Variants in POLR2C observed in about 807,000 individuals in gnomAD.
POLR2C encodes the protein DNA-directed RNA polymerase II subunit RPB3.
In POLR2C, 36 loss-of-function variants were observed where a neutral mutation model predicts 41.7. The ratio of observed to expected loss-of-function variants is 0.86; its 90% CI spans 0.66 to 1.14. The LOEUF (loss-of-function observed/expected upper bound fraction) is 1.14, where lower values mean the gene tolerates loss of function less well. Ranked by LOEUF, POLR2C falls within the 50% of genes most tolerant of loss-of-function variation. POLR2C has a pLI of 0.00. For missense variants in POLR2C, 260 were observed against 350.4 expected (o/e 0.74, Z 2.06); for synonymous variants, 133 against 137.8 (o/e 0.96, Z 0.25).
chr16:57,468,614 T>G (rs2030760609), intron 4 of POLR2C, among the ~76,000 whole-genome samples: 1 of 152,202 alleles, frequency 6.6e-6, no homozygotes, highest in South Asian at 2.1e-4. Flanking sequence ...GGAAGGTGGT[T>G]GATGGTTATG....
At chr16:57,464,199 T>C (rs2030650006) in intron 2 of POLR2C, 2 of 152,394 alleles carry the variant, frequency 1.3e-5, no homozygotes, top group South Asian at 2.0e-4. Flanking sequence ...TGCTGGTAGA[T>C]GGCTTTTTTA....
intron 2 of POLR2C, chr16:57,465,652 G>T: frequency 3.3e-6 from 1 of 307,044 alleles, no homozygotes; most frequent in Non-Finnish European, 6.0e-6. Context: ...AGATTTAAGT[G>T]CTTCTCATGC....
chr16:57,467,419 A>G (rs1331446074), intron 4 of POLR2C, among the ~76,000 whole-genome samples: 1 of 152,182 alleles, frequency 6.6e-6, no homozygotes, highest in African/African-American at 2.4e-5. Context: ...ATTAAGAGCA[A>G]TTTGGCGATA....
At chr16:57,462,927 G>A in intron 1 of POLR2C, 102 bp from the exon 2 acceptor site, 1 of 1,254,610 alleles carries the variant, frequency 8.0e-7, no homozygotes, top group Non-Finnish European at 1.1e-6. Flanking sequence ...TCCTTCCAGA[G>A]CTGCCCCCCT....
intron 4 of POLR2C, 87 bp downstream of exon 4, chr16:57,466,314 T>C (rs2030707489): frequency 2.4e-6 from 2 of 835,698 alleles, no homozygotes; most frequent in African/African-American, 3.5e-5. Context: ...GGCATCCAGC[T>C]TGAATACTGT....
intron 2 of POLR2C, 62 bp downstream of exon 2, chr16:57,463,140 C>T: frequency 1.5e-6 from 2 of 1,293,008 alleles, no homozygotes; most frequent in South Asian, 1.2e-5. Flanking sequence ...TCCACCCACA[C>T]ACTCTTTGGG....
intron 2 of POLR2C, among the ~76,000 whole-genome samples, chr16:57,465,163 G>T (rs997810392): frequency 6.6e-6 from 1 of 152,148 alleles, no homozygotes; most frequent in Non-Finnish European, 1.5e-5. Context: ...TTGGGTCAGG[G>T]TTCTCTCAGT....
chr16:57,467,372 T>C (rs1012668181), intron 4 of POLR2C, among the ~76,000 whole-genome samples: 1 of 152,238 alleles, frequency 6.6e-6, no homozygotes, highest in Non-Finnish European at 1.5e-5. Flanking sequence ...TTTTAATAAA[T>C]AAAACATAGA....
At chr16:57,468,505 C>G (rs1347623203) in intron 4 of POLR2C, among the ~76,000 whole-genome samples, 17 of 152,310 alleles carry the variant, frequency 1.1e-4, no homozygotes, top group African/African-American at 4.1e-4. Context: ...TGATTGCATC[C>G]TAGTAACTGT....
chr16:57,464,920 T>A (rs1387299114), intron 2 of POLR2C, among the ~76,000 whole-genome samples: 1 of 152,122 alleles, frequency 6.6e-6, no homozygotes, highest in Non-Finnish European at 1.5e-5. Context: ...AAGCTTGAGG[T>A]ATAGACATAA....
rs199596252 is a variant in POLR2C, at chr16:57,467,597, C to T, written c.258+1370C>T. Among the ~76,000 whole-genome samples the T allele has an allele frequency of 6.6e-5, 10 of 152,160 alleles. No homozygotes were observed. In the South Asian group the frequency reaches 1.2e-3, roughly 19 times the overall value. ...TAAAATAATACCCTTTACTTTTCAC[C>T]TATAGTTACCAATTAATATTTTACA... On this transcript the variant is annotated intron_variant, in intron 4 of 8. Transcript: ENST00000219252.
At chr16:57,467,999 A>T (rs2030748984) in intron 4 of POLR2C, among the ~76,000 whole-genome samples, 1 of 151,472 alleles carries the variant, frequency 6.6e-6, no homozygotes, top group South Asian at 2.1e-4. Flanking sequence ...TGATTCTCCC[A>T]TTTCATATTT....
At chr16:57,464,669 C>T (rs1180885861) in intron 2 of POLR2C, among the ~76,000 whole-genome samples, 30 of 128,536 alleles carry the variant, frequency 2.3e-4, no homozygotes, top group Non-Finnish European at 2.1e-4. Flanking sequence ...ACCCCACCCC[C>T]CCGCCCCCCA....
rs931942560 is a variant in POLR2C, at chr16:57,470,824, G to T, written c.684-151G>T. The T allele has an allele frequency of 5.9e-6, 4 of 683,738 alleles. No homozygotes were observed. The Admixed American group carries it at 8.1e-5, about 14-fold the overall frequency. The allele number at this position is 683,738 out of a possible 1,614,324, so 42.4% of individuals were successfully genotyped here. On this transcript the variant is annotated intron_variant, in intron 8 of 8. Transcript: ENST00000219252. ...TGTGTTGAAACTACCCTATGTAAGA[G>T]GTTTTACATGAAAGGAAGTTAGCCC...
Position 57,470,980 on chromosome 16 carries a change from A to C in POLR2C, c.689A>C (p.Tyr230Ser), listed in dbSNP as rs1417600469. 1 of 1,614,108 alleles carries C rather than the reference A, an allele frequency of 6.2e-7. No individual in the cohort carries two copies. Among genetic ancestry groups the C allele is most frequent in the East Asian group, 2.2e-5 (1 of 44,882 alleles). ...YDPNGKPERFYYNVESCGSLR... is the reference protein window; with the variant it reads ...YDPNGKPERFSYNVESCGSLR... ...ACTGGACTCTTGCCTCCTAGGTTTT[A>C]CTACAATGTGGAGTCCTGTGGCTCT... The change falls in exon 9 of 9, where the codon TAC (tyrosine) becomes TCC (serine). Residue 230 changes from tyrosine (Y) to serine (S), a missense_variant. Physicochemically the swap from Tyr to Ser is moderately radical, Grantham distance 144. Transcript: ENST00000219252.
intron 4 of POLR2C, among the ~76,000 whole-genome samples, chr16:57,467,038 C>T (rs113734074): frequency 0.043 from 6,577 of 152,228 alleles, 188 homozygotes; most frequent in Middle Eastern, 0.085. Context: ...TCGAGACCAT[C>T]CTGGCTGACA....
At chr16:57,463,445 G>C in intron 2 of POLR2C, 1 of 396,706 alleles carries the variant, frequency 2.5e-6, no homozygotes. Flanking sequence ...CCTGGGTATA[G>C]TGCGTGATGC....
chr16:57,467,030 G>A (rs1024311440), intron 4 of POLR2C, among the ~76,000 whole-genome samples: 3 of 152,108 alleles, frequency 2.0e-5, no homozygotes, highest in Admixed American at 1.3e-4. Context: ...TCAGGAGATC[G>A]AGACCATCCT....
Position 57,465,934 on chromosome 16 carries a change from T to A in POLR2C, c.137-19T>A, listed in dbSNP as rs2030696461. Reference sequence around the variant, plus strand: ...AAATTTGATGGCTAAACTCCATGTCTGCTTCTTTCATTTTTTAGCCATTGA... The same window carrying A: ...AAATTTGATGGCTAAACTCCATGTCAGCTTCTTTCATTTTTTAGCCATTGA... On this transcript the variant is annotated intron_variant, in intron 2 of 8. Transcript: ENST00000219252. 7.2e-6 allele frequency: 11 copies of A among 1,535,022 alleles called. No homozygotes were observed. The highest frequency in any genetic ancestry group is 9.9e-6 in the Non-Finnish European group (11 of 1,108,594).
Sources: allele counts gnomAD v4.1 joint callset (sites outside exome capture counted in the v4.1 genomes callset), GRCh38; gene constraint gnomAD v4.1.1; transcripts MANE v1.5; gene names NCBI Gene and HGNC (gene_info 2026-07-23, HGNC 2026-07-21).